Variants in CCSER1 observed in about 807,000 individuals in gnomAD.
CCSER1 encodes coiled-coil serine rich protein 1.
A neutral mutation model predicts 82.0 loss-of-function variants in CCSER1; 41 were observed. That is an observed-to-expected ratio of 0.50 (90% CI 0.39 to 0.65). CCSER1 has a LOEUF of 0.65. Ranked by LOEUF, CCSER1 falls within the 30% of genes least tolerant of loss-of-function variation. The pLI, the probability that CCSER1 is intolerant of heterozygous loss-of-function variation, is 0.00. For missense variants in CCSER1, 1,119 were observed against 1,064.2 expected, an observed-to-expected ratio of 1.05 and a Z score of -0.72; for synonymous variants, 414 against 383.9, an observed-to-expected ratio of 1.08 and a Z score of -0.92.
chr4:90,570,283 G>A (rs1779942421), intron 5 of CCSER1, among the ~76,000 whole-genome samples: 1 of 152,142 alleles, frequency 6.6e-6, no homozygotes, highest in African/African-American at 2.4e-5. Flanking sequence ...CTTGGAAGAA[G>A]CCTAGTTGGT....
At chr4:90,281,780 C>G (rs554002796) in intron 1 of CCSER1, among the ~76,000 whole-genome samples, 1 of 152,188 alleles carries the variant, frequency 6.6e-6, no homozygotes, top group Admixed American at 6.5e-5. Context: ...ATTTTGTACT[C>G]ATTTACATTT....
rs184148927 is a variant in CCSER1 at position 90,882,963 on chromosome 4, T to C, written c.2095-40407T>C. Reference sequence around the variant, plus strand: ...AGAGCAATATTTATCAAGTACTTTATGTTTAGAACATTTTATGTTTAGAAC... The same window carrying C: ...AGAGCAATATTTATCAAGTACTTTACGTTTAGAACATTTTATGTTTAGAAC... On this transcript the variant is annotated intron_variant, in intron 8 of 10. Coordinates refer to ENST00000509176, the MANE Select transcript of CCSER1 (RefSeq NM_001145065.2). 2.1e-4 allele frequency among the ~76,000 whole-genome samples: 32 copies of C among 152,222 alleles called. No individual in the cohort carries two copies. The East Asian group carries it at 4.2e-3, about 20-fold the overall frequency.
At chr4:90,473,003 T>C (rs1346746455) in intron 5 of CCSER1, among the ~76,000 whole-genome samples, 1 of 152,140 alleles carries the variant, frequency 6.6e-6, no homozygotes, top group African/African-American at 2.4e-5. Flanking sequence ...TGGGCACACA[T>C]GGACATACAG....
At position 91,142,918 on chromosome 4, in the gene CCSER1, C is replaced by T. The variant is rs117980259; in HGVS notation, c.2217+56924C>T. Among the ~76,000 whole-genome samples, 129 of 151,880 alleles carry T rather than the reference C, an allele frequency of 8.5e-4. 3 individuals are homozygous for T. The East Asian group carries it at 0.025, about 29-fold the overall frequency. ...AGTTTGAATTTGGGTAATGTAATCC[C>T]TCCTGCTTTGTTCTTTTTGCTTAGG... On this transcript the variant is annotated intron_variant, in intron 10 of 10. Transcript: ENST00000509176.
intron 6 of CCSER1, among the ~76,000 whole-genome samples, chr4:90,666,958 A>G (rs113342207): frequency 0.017 from 2,571 of 152,308 alleles, 72 homozygotes; most frequent in African/African-American, 0.059. Flanking sequence ...TAATAACTCT[A>G]ATAATCTCTT....
rs1380375011 is a variant in CCSER1, at chr4:90,133,378, T to C, written c.-42+5547T>C. 2.6e-5 allele frequency among the ~76,000 whole-genome samples: 4 copies of C among 152,214 alleles called. No individual in the cohort carries two copies. The East Asian group carries it at 5.8e-4, about 22-fold the overall frequency. ...GCTGGACCTTATTGGTAGGTAGTTA[T>C]AATGCAAAGGGTATGCACAATACAA... On this transcript the variant is annotated intron_variant, in intron 1 of 10. Transcript: ENST00000509176.
chr4:90,652,755 C>G (rs967774293), intron 6 of CCSER1, among the ~76,000 whole-genome samples: 6 of 152,074 alleles, frequency 3.9e-5, no homozygotes, highest in African/African-American at 1.4e-4. Context: ...TCTCTATTCC[C>G]CATTCAATCA....
intron 10 of CCSER1, among the ~76,000 whole-genome samples, chr4:91,469,276 A>G (rs1351325394): frequency 6.6e-6 from 1 of 152,228 alleles, no homozygotes; most frequent in South Asian, 2.1e-4. Context: ...CTGCTATGAT[A>G]TAAGATAACA....
At chr4:91,254,288 A>G (rs1740503061) in intron 10 of CCSER1, among the ~76,000 whole-genome samples, 1 of 152,188 alleles carries the variant, frequency 6.6e-6, no homozygotes, top group Admixed American at 6.5e-5. Context: ...GATATTTTCC[A>G]AGATAGACTA....
chr4:90,999,656 A>C (rs1737815695), intron 9 of CCSER1, among the ~76,000 whole-genome samples: 1 of 152,136 alleles, frequency 6.6e-6, no homozygotes, highest in Non-Finnish European at 1.5e-5. Context: ...ATTGTTTGCA[A>C]ATATTTTCTC....
intron 10 of CCSER1, among the ~76,000 whole-genome samples, chr4:91,523,443 G>A (rs531832260): frequency 6.6e-6 from 1 of 152,284 alleles, no homozygotes; most frequent in East Asian, 1.9e-4. Flanking sequence ...AGTTTCAGAA[G>A]GAATGGTACC....
chr4:90,417,603 GGGC>G (rs1756016554), intron 4 of CCSER1, among the ~76,000 whole-genome samples: 1 of 152,084 alleles, frequency 6.6e-6, no homozygotes, highest in Non-Finnish European at 1.5e-5. Flanking sequence ...AAAACACCTA[GGGC>G]AGTGTCTCTT....
At chr4:91,312,150 C>T (rs1265697423) in intron 10 of CCSER1, among the ~76,000 whole-genome samples, 1 of 151,692 alleles carries the variant, frequency 6.6e-6, no homozygotes, top group Non-Finnish European at 1.5e-5. Flanking sequence ...TCTAGTTGCA[C>T]AGTAAGTCAT....
rs1465428746 is a variant in CCSER1, at chr4:90,596,717, A to G, written c.1725-31308A>G. Among the ~76,000 whole-genome samples, 6 of 148,484 alleles carry G rather than the reference A, an allele frequency of 4.0e-5. No homozygotes were observed. In the South Asian group the frequency reaches 6.4e-4, roughly 16 times the overall value. On this transcript the variant is annotated intron_variant, in intron 5 of 10. Coordinates refer to ENST00000509176, the MANE Select transcript of CCSER1 (RefSeq NM_001145065.2). The stretch of plus-strand genomic sequence containing the variant: ...TAATTGCTAAACCAGATATTTTTTT[A>G]CCAAAAAAAAGACAAACTTAAAAGC...
intron 10 of CCSER1, among the ~76,000 whole-genome samples, chr4:91,316,277 G>A (rs967264798): frequency 4.0e-5 from 6 of 151,812 alleles, no homozygotes; most frequent in Non-Finnish European, 8.8e-5. Flanking sequence ...GGTTTATGAG[G>A]GTCATTTATA....
chr4:91,375,444 C>G (rs965801416), intron 10 of CCSER1, among the ~76,000 whole-genome samples: 7 of 151,652 alleles, frequency 4.6e-5, no homozygotes, highest in African/African-American at 1.7e-4. Flanking sequence ...AAAATGTTAT[C>G]AAACAGCATT....
At chr4:90,673,543 A>G (rs988315969) in intron 6 of CCSER1, among the ~76,000 whole-genome samples, 1 of 152,014 alleles carries the variant, frequency 6.6e-6, no homozygotes, top group Non-Finnish European at 1.5e-5. Flanking sequence ...GCCAGTCACA[A>G]TGAAGGGCAG....
chr4:90,896,160 A>G (rs936082907), intron 8 of CCSER1, among the ~76,000 whole-genome samples: 23 of 152,102 alleles, frequency 1.5e-4, no homozygotes, highest in African/African-American at 4.8e-4. Flanking sequence ...CCTAGGGTCT[A>G]TAACGGGAGA....
At chr4:90,995,674 A>G (rs995399672) in intron 9 of CCSER1, among the ~76,000 whole-genome samples, 17 of 152,092 alleles carry the variant, frequency 1.1e-4, no homozygotes, top group Non-Finnish European at 2.4e-4. Flanking sequence ...ATGAACTCAA[A>G]TCAAAATGCA....
Sources: gnomAD v4.1 joint callset for allele counts (sites outside exome capture counted in the v4.1 genomes callset) on GRCh38, gnomAD v4.1.1 for gene constraint, MANE v1.5 for transcripts, NCBI Gene and HGNC (gene_info 2026-07-23, HGNC 2026-07-21) for gene names.